Variants in SLC25A21 observed in about 807,000 individuals in gnomAD.
The protein encoded by SLC25A21 is solute carrier family 25 member 21, also known as mitochondrial 2-oxodicarboxylate carrier.
In SLC25A21, 47 loss-of-function variants were observed where a neutral mutation model predicts 43.8. The observed-to-expected ratio is 1.07, with a 90% CI of 0.85 to 1.37. SLC25A21 has a LOEUF of 1.37. Among genes scored for constraint, SLC25A21 ranks in the 40% most tolerant of loss-of-function variants. The pLI, the probability that SLC25A21 is intolerant of heterozygous loss-of-function variation, is 0.00. For missense variants in SLC25A21, 352 were observed against 350.2 expected (o/e 1.00, Z -0.04); for synonymous variants, 131 against 121.3 (o/e 1.08, Z -0.52).
intron 3 of SLC25A21, among the ~76,000 whole-genome samples, chr14:36,783,579 C>T (rs1342062147): frequency 1.3e-5 from 2 of 152,128 alleles, no homozygotes; most frequent in Non-Finnish European, 2.9e-5. Flanking sequence ...AGTATGCTCT[C>T]GCTTTCTTCT....
intron 3 of SLC25A21, among the ~76,000 whole-genome samples, chr14:36,811,647 G>A (rs564140800): frequency 3.8e-4 from 57 of 151,934 alleles, no homozygotes; most frequent in South Asian, 6.2e-4. Flanking sequence ...GTGAGAGTCC[G>A]TCTCAAAAAA....
chr14:36,942,895 C>A (rs1214212213), intron 1 of SLC25A21, among the ~76,000 whole-genome samples: 1 of 152,146 alleles, frequency 6.6e-6, no homozygotes, highest in Non-Finnish European at 1.5e-5. Flanking sequence ...GTTATTTTTC[C>A]TTCATGGCAC....
chr14:37,159,372 A>G (rs1963902041), intron 1 of SLC25A21, among the ~76,000 whole-genome samples: 1 of 152,200 alleles, frequency 6.6e-6, no homozygotes, highest in South Asian at 2.1e-4. Context: ...TTGGTATGAA[A>G]AGAGACATAT....
At chr14:37,021,139 A>G (rs538022958) in intron 1 of SLC25A21, among the ~76,000 whole-genome samples, 1 of 152,092 alleles carries the variant, frequency 6.6e-6, no homozygotes, top group South Asian at 2.1e-4. Flanking sequence ...ATTCAGGGAA[A>G]ACGCATAGTG....
rs1961141829 is a variant in SLC25A21 at position 37,028,589 on chromosome 14, G to GTTTTA, written c.70+143691_70+143692insTAAAA. 2.0e-5 allele frequency among the ~76,000 whole-genome samples: 3 copies of GTTTTA among 152,184 alleles called. No individual in the cohort carries two copies. In the South Asian group the frequency reaches 6.2e-4, roughly 32 times the overall value. On this transcript the variant is annotated intron_variant, in intron 1 of 9. Coordinates refer to ENST00000331299, the MANE Select transcript of SLC25A21 (RefSeq NM_030631.4). ...TGAAGAAAACAAGACTGTAAGTTTT[G>GTTTTA]GTCACCTTTTCTGGCTGTTAACCAC...
At chr14:36,764,070 A>G (rs1228988164) in intron 3 of SLC25A21, among the ~76,000 whole-genome samples, 8 of 51,520 alleles carry the variant, frequency 1.6e-4, no homozygotes, top group Non-Finnish European at 2.7e-4. Flanking sequence ...GAAAGAAAGA[A>G]AGAAAGAAAG....
chr14:36,920,007 C>T (rs7147105), intron 1 of SLC25A21, among the ~76,000 whole-genome samples: 16,195 of 151,956 alleles, frequency 0.11, 1,502 homozygotes, highest in African/African-American at 0.25. Context: ...CCTTTGATTG[C>T]TAATTTTAAC....
intron 1 of SLC25A21, among the ~76,000 whole-genome samples, chr14:36,886,444 G>A (rs1266767089): frequency 6.6e-6 from 1 of 152,166 alleles, no homozygotes; most frequent in South Asian, 2.1e-4. Context: ...TTTTTTAAAC[G>A]TAACTAACAC....
chr14:36,833,199 G>C (rs1214275358), intron 2 of SLC25A21, among the ~76,000 whole-genome samples: 1 of 152,180 alleles, frequency 6.6e-6, no homozygotes, highest in Non-Finnish European at 1.5e-5. Flanking sequence ...CACACAGAGA[G>C]AAAATAAATA....
chr14:36,708,154 G>C (rs1883658810), intron 7 of SLC25A21, among the ~76,000 whole-genome samples: 1 of 152,166 alleles, frequency 6.6e-6, no homozygotes, highest in Non-Finnish European at 1.5e-5. Flanking sequence ...ACTCCCTACT[G>C]TAGGATACTT....
At chr14:37,151,023 C>T (rs1394319200) in intron 1 of SLC25A21, among the ~76,000 whole-genome samples, 2 of 151,874 alleles carry the variant, frequency 1.3e-5, no homozygotes, top group Admixed American at 1.3e-4. Flanking sequence ...GGTAGGTTCT[C>T]TCTCTCTCTC....
At chr14:36,761,474 G>T (rs1886154318) in intron 3 of SLC25A21, among the ~76,000 whole-genome samples, 1 of 152,212 alleles carries the variant, frequency 6.6e-6, no homozygotes, top group African/African-American at 2.4e-5. Flanking sequence ...TGCAGAGACT[G>T]CTATAGAGCA....
intron 1 of SLC25A21, among the ~76,000 whole-genome samples, chr14:37,073,557 G>C (rs1010865974): frequency 6.6e-6 from 1 of 152,094 alleles, no homozygotes; most frequent in African/African-American, 2.4e-5. Context: ...AGTAAAATCT[G>C]TATTATGCTT....
At chr14:37,000,834 G>A (rs1428886750) in intron 1 of SLC25A21, among the ~76,000 whole-genome samples, 6 of 152,074 alleles carry the variant, frequency 3.9e-5, no homozygotes, top group Admixed American at 2.0e-4. Context: ...ATGTGAAGAA[G>A]GTGCTTGCTT....
chr14:36,813,641 T>C (rs555960733), intron 3 of SLC25A21, among the ~76,000 whole-genome samples: 2 of 152,314 alleles, frequency 1.3e-5, no homozygotes, highest in East Asian at 3.9e-4. Flanking sequence ...ACTATTGAGT[T>C]TAGATAGCCT....
At chr14:37,150,149 C>A (rs1963734119) in intron 1 of SLC25A21, among the ~76,000 whole-genome samples, 1 of 152,070 alleles carries the variant, frequency 6.6e-6, no homozygotes, top group South Asian at 2.1e-4. Flanking sequence ...ATAAATAAAA[C>A]CTACGTGTTT....
At chr14:36,681,320 C>A (rs183720805) in intron 9 of SLC25A21, among the ~76,000 whole-genome samples, 2 of 152,296 alleles carry the variant, frequency 1.3e-5, no homozygotes, top group Non-Finnish European at 2.9e-5. Context: ...TGGATTTGAA[C>A]TTGAAAATTT....
intron 6 of SLC25A21, among the ~76,000 whole-genome samples, chr14:36,714,755 G>T (rs1884051464): frequency 6.6e-6 from 1 of 152,222 alleles, no homozygotes. Flanking sequence ...TGTGAGATAT[G>T]TCTTATCATG....
intron 1 of SLC25A21, among the ~76,000 whole-genome samples, chr14:36,918,571 A>G (rs1020821139): frequency 9.2e-5 from 14 of 152,138 alleles, no homozygotes; most frequent in Non-Finnish European, 1.5e-5. Flanking sequence ...AGAAAGCCCA[A>G]CACAGAGGAA....
Sources: gnomAD v4.1 joint callset for allele counts (sites outside exome capture counted in the v4.1 genomes callset) on GRCh38, gnomAD v4.1.1 for gene constraint, MANE v1.5 for transcripts, NCBI Gene and HGNC (gene_info 2026-07-23, HGNC 2026-07-21) for gene names.